Variants in TMTC1 observed in about 807,000 individuals in gnomAD.
TMTC1 encodes the protein protein O-mannosyl-transferase TMTC1.
TMTC1 carries 73 observed loss-of-function variants against 104.8 expected under a neutral mutation model. The ratio of observed to expected loss-of-function variants is 0.70; its 90% CI spans 0.58 to 0.85. The LOEUF is 0.85. Ranked by LOEUF, TMTC1 falls within the 40% of genes least tolerant of loss-of-function variation. TMTC1 has a pLI of 0.00. For synonymous variants in TMTC1, 434 were observed against 428.7 expected (o/e 1.01, Z -0.15); for missense variants, 1,035 against 1,096.1 (o/e 0.94, Z 0.79).
At chr12:29,576,600 G>T (rs1199438049) in intron 8 of TMTC1, among the ~76,000 whole-genome samples, 1 of 152,094 alleles carries the variant, frequency 6.6e-6, no homozygotes, top group Non-Finnish European at 1.5e-5. Context: ...GAGAAAACGA[G>T]AATAGAATAA....
rs77513599 is a variant in TMTC1, at chr12:29,555,134, C to CTTTTTTT, written c.1676+1716_1676+1722dup. On this transcript the variant is annotated intron_variant, in intron 10 of 17. Coordinates refer to ENST00000539277, the MANE Select transcript of TMTC1 (RefSeq NM_001193451.2). ...GGGTTTAGGATTCAGTTCCAACATC[C>CTTTTTTT]TTTTTTTTTTTTTTTTTTTTTGAGA... is the stretch of plus-strand genomic sequence containing the variant. Among the ~76,000 whole-genome samples, 37 of 88,208 alleles carry CTTTTTTT rather than the reference C, an allele frequency of 4.2e-4. 2 individuals carry two copies. Among genetic ancestry groups the CTTTTTTT allele is most frequent in the African/African-American group, 9.9e-4 (21 of 21,288 alleles). The allele number at this position is 88,208 out of a possible 152,430, so 57.9% of individuals were successfully genotyped here.
chr12:29,686,380 G>T (rs1465218661), intron 5 of TMTC1, among the ~76,000 whole-genome samples: 1 of 152,170 alleles, frequency 6.6e-6, no homozygotes, highest in Non-Finnish European at 1.5e-5. Flanking sequence ...ACATGCCAGT[G>T]CACCCAAAGG....
chr12:29,711,768 G>C (rs545235378), intron 5 of TMTC1, among the ~76,000 whole-genome samples: 1 of 152,040 alleles, frequency 6.6e-6, no homozygotes, highest in African/African-American at 2.4e-5. Context: ...CACTTTGGGG[G>C]GCCAAGGCAG....
intron 5 of TMTC1, among the ~76,000 whole-genome samples, chr12:29,722,340 G>C (rs917716252): frequency 6.6e-6 from 1 of 151,992 alleles, no homozygotes; most frequent in African/African-American, 2.4e-5. Context: ...TGACATATTG[G>C]GCCATAAAAT....
chr12:29,725,478 C>T (rs1942364835), intron 5 of TMTC1, among the ~76,000 whole-genome samples: 1 of 152,094 alleles, frequency 6.6e-6, no homozygotes, highest in Admixed American at 6.5e-5. Flanking sequence ...GGATTATAGG[C>T]ATGAGCTACC....
At chr12:29,566,300 A>G (rs1413141294) in intron 9 of TMTC1, among the ~76,000 whole-genome samples, 2 of 152,120 alleles carry the variant, frequency 1.3e-5, no homozygotes, top group Admixed American at 6.5e-5. Context: ...GTGTGTCTGG[A>G]GCCAAGTAAG....
chr12:29,617,568 G>T (rs996205580), intron 6 of TMTC1, among the ~76,000 whole-genome samples: 6 of 145,924 alleles, frequency 4.1e-5, no homozygotes, highest in African/African-American at 8.3e-5. Flanking sequence ...GAGAGAGAGA[G>T]ATAAAAACCC....
At chr12:29,630,470 T>TA (rs1938241291) in intron 6 of TMTC1, among the ~76,000 whole-genome samples, 1 of 152,138 alleles carries the variant, frequency 6.6e-6, no homozygotes, top group Admixed American at 6.5e-5. Flanking sequence ...GGGTCCCTCC[T>TA]ATGACATGTG....
Position 29,592,481 on chromosome 12 carries a change from T to C in TMTC1, c.1251-8907A>G, listed in dbSNP as rs550995674. ...TATATTTCTCCATGAGATAGATTTC[T>C]TCTGTTGTTTTCCAGCATGTCTACG... On this transcript the variant is annotated intron_variant, in intron 7 of 17. Transcript: ENST00000539277. 2.6e-5 allele frequency among the ~76,000 whole-genome samples: 4 copies of C among 152,338 alleles called. No individual in the cohort carries two copies. In the South Asian group the frequency reaches 8.3e-4, roughly 32 times the overall value.
In TMTC1 at chr12:29,562,547, C is replaced by T. The variant is rs141887155; in HGVS notation, c.1533-5547G>A. On this transcript the variant is annotated intron_variant, in intron 9 of 17. Transcript: ENST00000539277. ...AAATGGTGAACATATTAACCTTTCT[C>T]AGAGGCTTGGGGTGAACTTTGGTTT... 2.3e-3 allele frequency among the ~76,000 whole-genome samples: 357 copies of T among 152,260 alleles called. 2 individuals carry two copies. The highest frequency in any genetic ancestry group is 3.5e-3 in the Non-Finnish European group (237 of 68,012).
chr12:29,736,576 C>T (rs11050417), intron 5 of TMTC1, among the ~76,000 whole-genome samples: 10,884 of 152,024 alleles, frequency 0.072, 621 homozygotes, highest in East Asian at 0.25. Flanking sequence ...CCCACCACCA[C>T]GCCCGGCTAA....
At chr12:29,728,817 T>C (rs913267450) in intron 5 of TMTC1, among the ~76,000 whole-genome samples, 1 of 147,356 alleles carries the variant, frequency 6.8e-6, no homozygotes. Context: ...GCCAACATAA[T>C]GAAACCGCCG....
chr12:29,779,869 G>C (rs1281178628), intron 1 of TMTC1, among the ~76,000 whole-genome samples: 1 of 151,984 alleles, frequency 6.6e-6, no homozygotes, highest in Non-Finnish European at 1.5e-5. Flanking sequence ...AGACACAAAG[G>C]CACATTTACC....
chr12:29,619,078 G>A (rs1947062484), intron 6 of TMTC1, among the ~76,000 whole-genome samples: 1 of 151,786 alleles, frequency 6.6e-6, no homozygotes, highest in African/African-American at 2.4e-5. Context: ...ATACAAATCA[G>A]GGGAAAAAAA....
At chr12:29,776,260 C>T (rs936058287) in intron 1 of TMTC1, among the ~76,000 whole-genome samples, 5 of 152,222 alleles carry the variant, frequency 3.3e-5, no homozygotes, top group East Asian at 1.9e-4. Flanking sequence ...GATCCAAAAG[C>T]GCTACAGATC....
intron 11 of TMTC1, among the ~76,000 whole-genome samples, chr12:29,528,550 C>T (rs1373235309): frequency 1.3e-5 from 2 of 152,168 alleles, no homozygotes; most frequent in Non-Finnish European, 2.9e-5. Flanking sequence ...CAATATAGCA[C>T]ACTTTTTACC....
At chr12:29,699,986 G>A (rs879751038) in intron 5 of TMTC1, among the ~76,000 whole-genome samples, 2 of 151,710 alleles carry the variant, frequency 1.3e-5, no homozygotes, top group Admixed American at 1.3e-4. Context: ...CACATATATT[G>A]TTGTTTAGTA....
chr12:29,706,186 G>C (rs954749778), intron 5 of TMTC1, among the ~76,000 whole-genome samples: 3 of 152,148 alleles, frequency 2.0e-5, no homozygotes, highest in African/African-American at 7.2e-5. Context: ...AGGCTACCAA[G>C]TTCAGACAGA....
rs537980892 is a variant in TMTC1, at chr12:29,660,813, G to T, written c.939-27477C>A. ...ATATATATATACTTACATAACTTAGGACCAAAATGGCCCTTTTTAAAAATG... is the reference window on the plus strand; with the variant it reads ...ATATATATATACTTACATAACTTAGTACCAAAATGGCCCTTTTTAAAAATG... On this transcript the variant is annotated intron_variant, in intron 5 of 17. Transcript: ENST00000539277. 2.8e-6 allele frequency: 4 copies of T among 1,444,044 alleles called. No homozygotes were observed. The African/African-American group carries it at 5.7e-5, about 21-fold the overall frequency. 89.5% of individuals were successfully genotyped at this position (1,444,044 alleles called of 1,614,324 possible). A position where few individuals can be genotyped will look rare whatever the true frequency, so the allele number is the denominator to read the frequency against.
Sources: allele counts gnomAD v4.1 joint callset (sites outside exome capture counted in the v4.1 genomes callset), GRCh38; gene constraint gnomAD v4.1.1; transcripts MANE v1.5; gene names NCBI Gene and HGNC (gene_info 2026-07-23, HGNC 2026-07-21).